Variants in DACH2 observed in about 807,000 individuals in gnomAD.
The protein encoded by DACH2 is dachshund family transcription factor 2.
A neutral mutation model predicts 35.8 loss-of-function variants in DACH2; 17 were observed. That is an observed-to-expected ratio of 0.48 (90% CI 0.33 to 0.71). The LOEUF (loss-of-function observed/expected upper bound fraction) is 0.71. Among genes scored for constraint, DACH2 ranks in the 30% least tolerant of loss-of-function variants. The pLI, the probability that DACH2 is intolerant of heterozygous loss-of-function variation, is 0.02. For missense variants in DACH2, 469 were observed against 472.7 expected (o/e 0.99, Z 0.07); for synonymous variants, 195 against 177.3 (o/e 1.10, Z -0.79).
Position 86,616,212 on chromosome X carries a change from G to C in DACH2, c.641-34824G>C, listed in dbSNP as rs1032317724. Among the ~76,000 whole-genome samples the C allele has an allele frequency of 5.4e-5, 6 of 111,453 alleles. No individual in the cohort carries two copies. The Admixed American group carries it at 5.7e-4, about 11-fold the overall frequency. Reference sequence around the variant, plus strand: ...GTTTATTCCATGTCTTTGTTATTGTGAATAATGCTGTAATGAACATTCACA... The same window carrying C: ...GTTTATTCCATGTCTTTGTTATTGTCAATAATGCTGTAATGAACATTCACA... On this transcript the variant is annotated intron_variant, in intron 3 of 11. Coordinates refer to ENST00000373125, the MANE Select transcript of DACH2 (RefSeq NM_053281.3).
intron 6 of DACH2, among the ~76,000 whole-genome samples, chrX:86,719,268 G>C (rs1312266984): frequency 2.7e-5 from 3 of 111,494 alleles, no homozygotes; most frequent in Non-Finnish European, 1.9e-5. Flanking sequence ...TTTATCTGCT[G>C]GATCATTATT....
intron 2 of DACH2, among the ~76,000 whole-genome samples, chrX:86,404,188 A>G (rs965575603): frequency 5.4e-5 from 6 of 110,685 alleles, no homozygotes; most frequent in African/African-American, 9.9e-5. Context: ...CCCAAATCTC[A>G]TGTCCTCACA....
intron 2 of DACH2, among the ~76,000 whole-genome samples, chrX:86,395,547 C>G (rs1157430987): frequency 9.1e-6 from 1 of 110,464 alleles, no homozygotes; most frequent in Admixed American, 9.7e-5. Context: ...CTCCCCCCAC[C>G]CCACAACAGT....
intron 1 of DACH2, among the ~76,000 whole-genome samples, chrX:86,297,069 A>ATATG (rs772662061): frequency 0.069 from 6,775 of 98,809 alleles, 327 homozygotes; most frequent in Admixed American, 0.19. Flanking sequence ...ATATATATAT[A>ATATG]TAATTAGAGC....
chrX:86,690,343 G>A (rs1425231429), intron 4 of DACH2, among the ~76,000 whole-genome samples: 5 of 111,773 alleles, frequency 4.5e-5, no homozygotes, highest in Non-Finnish European at 9.4e-5. Context: ...TTATTAGAAT[G>A]GGAAATGCGG....
intron 7 of DACH2, among the ~76,000 whole-genome samples, chrX:86,799,671 G>A (rs1275738277): frequency 8.9e-6 from 1 of 111,963 alleles, no homozygotes; most frequent in Non-Finnish European, 1.9e-5. Flanking sequence ...CTGGTTATTA[G>A]GAAGACAAAA....
intron 7 of DACH2, among the ~76,000 whole-genome samples, chrX:86,783,068 G>A (rs1399073018): frequency 1.2e-4 from 13 of 111,011 alleles, no homozygotes; most frequent in African/African-American, 3.9e-4. Context: ...AACTGTATAG[G>A]AAAAAAATCT....
intron 1 of DACH2, among the ~76,000 whole-genome samples, chrX:86,316,650 T>C (rs976266121): frequency 2.0e-4 from 22 of 111,531 alleles, no homozygotes; most frequent in Non-Finnish European, 1.1e-4. Context: ...TTCAGGCTAC[T>C]TTCTGCTGGA....
intron 3 of DACH2, among the ~76,000 whole-genome samples, chrX:86,606,777 A>G (rs2039864293): frequency 1.8e-5 from 2 of 111,706 alleles, no homozygotes; most frequent in African/African-American, 6.5e-5. Flanking sequence ...GATCTGTCCA[A>G]TGCTGAAAGT....
intron 1 of DACH2, among the ~76,000 whole-genome samples, chrX:86,221,272 A>G (rs2032705004): frequency 9.0e-6 from 1 of 111,508 alleles, no homozygotes; most frequent in African/African-American, 3.3e-5. Flanking sequence ...TCATTCTTTT[A>G]TGTGTGGTTA....
At chrX:86,282,579 G>T (rs1440367127) in intron 1 of DACH2, among the ~76,000 whole-genome samples, 1 of 111,110 alleles carries the variant, frequency 9.0e-6, no homozygotes, top group Non-Finnish European at 1.9e-5. Context: ...CATAGGCATG[G>T]ACAAAGACTT....
At chrX:86,643,177 T>G (rs1313522271) in intron 3 of DACH2, among the ~76,000 whole-genome samples, 1 of 106,782 alleles carries the variant, frequency 9.4e-6, no homozygotes, top group African/African-American at 3.4e-5. Context: ...GAATTGTTTT[T>G]TTTTTTTTTT....
At chrX:86,418,468 T>C (rs1008857325) in intron 2 of DACH2, among the ~76,000 whole-genome samples, 1 of 112,275 alleles carries the variant, frequency 8.9e-6, no homozygotes, top group African/African-American at 3.2e-5. Flanking sequence ...TTTTGACTTC[T>C]GTGCACTTGC....
intron 1 of DACH2, among the ~76,000 whole-genome samples, chrX:86,321,836 G>A (rs1406278379): frequency 8.9e-6 from 1 of 112,268 alleles, no homozygotes; most frequent in Non-Finnish European, 1.9e-5. Context: ...GGTCATCAGA[G>A]AACCTGCATA....
intron 1 of DACH2, among the ~76,000 whole-genome samples, chrX:86,236,931 T>G (rs556670051): frequency 8.9e-6 from 1 of 112,786 alleles, no homozygotes; most frequent in South Asian, 3.6e-4. Context: ...AACTTCTATA[T>G]TTTTAAAAAA....
At chrX:86,556,787 TATATATATAGAGAGAGAGAGAG>T (rs1161671873) in intron 3 of DACH2, among the ~76,000 whole-genome samples, 6 of 40,191 alleles carry the variant, frequency 1.5e-4, no homozygotes, top group African/African-American at 6.2e-4. Flanking sequence ...TATATATATA[TATATATATAGAGAGAGAGAGAG>T]AGAGAGAGAG....
In DACH2 at chrX:86,555,683, T is replaced by C. The variant is rs2039108681; in HGVS notation, c.640+41292T>C. Among the ~76,000 whole-genome samples, 3 of 111,820 alleles carry C rather than the reference T, an allele frequency of 2.7e-5. No homozygotes were observed. The Admixed American group carries it at 2.9e-4, about 11-fold the overall frequency. On this transcript the variant is annotated intron_variant, in intron 3 of 11. Coordinates refer to ENST00000373125, the MANE Select transcript of DACH2 (RefSeq NM_053281.3). ...GTCTTCAAATGCATTTTAATTCTCA[T>C]TTTCCTTTGTTTAAATAGTGAAAAC...
At chrX:86,576,922 G>A (rs189869324) in intron 3 of DACH2, among the ~76,000 whole-genome samples, 132 of 111,119 alleles carry the variant, frequency 1.2e-3, no homozygotes, top group South Asian at 2.6e-3. Flanking sequence ...GCTCTGAGTG[G>A]AAGCTACCTG....
chrX:86,160,086 C>T (rs955464880), intron 1 of DACH2, among the ~76,000 whole-genome samples: 2 of 110,755 alleles, frequency 1.8e-5, no homozygotes, highest in Non-Finnish European at 3.8e-5. Flanking sequence ...AAACATTCTG[C>T]CTTCCTTCTA....
Sources: gnomAD v4.1 joint callset for allele counts (sites outside exome capture counted in the v4.1 genomes callset) on GRCh38, gnomAD v4.1.1 for gene constraint, MANE v1.5 for transcripts, NCBI Gene and HGNC (gene_info 2026-07-23, HGNC 2026-07-21) for gene names.